TNFAIP8: variants seen among roughly 807,000 people sequenced by gnomAD.
TNFAIP8 encodes tumor necrosis factor alpha-induced protein 8.
In TNFAIP8, 7 loss-of-function variants were observed where a neutral mutation model predicts 13.3. The ratio of observed to expected loss-of-function variants is 0.52; its 90% confidence interval spans 0.30 to 0.99. The LOEUF (loss-of-function observed/expected upper bound fraction) is 0.99, where lower values mean the gene tolerates loss of function less well. TNFAIP8 is among the 50% of genes least tolerant of loss of function. TNFAIP8 has a pLI of 0.07. For synonymous variants in TNFAIP8, 94 were observed against 87.6 expected (o/e 1.07, Z -0.41); for missense variants, 258 against 236.9 (o/e 1.09, Z -0.58).
At chr5:119,289,608 G>T (rs4428445) in intron 1 of TNFAIP8, among the ~76,000 whole-genome samples, 2 of 152,222 alleles carry the variant, frequency 1.3e-5, no homozygotes, top group Non-Finnish European at 2.9e-5. Flanking sequence ...AAGCTGCTTA[G>T]ACATGGCTGA....
intron 1 of TNFAIP8, among the ~76,000 whole-genome samples, chr5:119,348,911 T>C (rs1482407796): frequency 7.6e-6 from 1 of 132,068 alleles, no homozygotes; most frequent in Non-Finnish European, 1.6e-5. Context: ...AAAAAAAGAA[T>C]AGACAACATC....
intron 1 of TNFAIP8, among the ~76,000 whole-genome samples, chr5:119,282,482 G>A (rs1054825719): frequency 1.3e-5 from 2 of 152,216 alleles, no homozygotes; most frequent in African/African-American, 2.4e-5. Flanking sequence ...GCACCCATTG[G>A]TTCTGGGTTG....
chr5:119,338,108 G>A (rs1750613589), intron 1 of TNFAIP8, among the ~76,000 whole-genome samples: 1 of 150,866 alleles, frequency 6.6e-6, no homozygotes, highest in Admixed American at 6.6e-5. Flanking sequence ...GAGATCCCAG[G>A]GCAGACCTGA....
At chr5:119,357,311 G>A (rs899055853) in intron 1 of TNFAIP8, among the ~76,000 whole-genome samples, 1 of 152,194 alleles carries the variant, frequency 6.6e-6, no homozygotes, top group Non-Finnish European at 1.5e-5. Context: ...AGTATGGGGG[G>A]AGTAATGCTT....
At chr5:119,271,791 C>G (rs1040212269) in intron 1 of TNFAIP8, among the ~76,000 whole-genome samples, 1 of 152,192 alleles carries the variant, frequency 6.6e-6, no homozygotes, top group African/African-American at 2.4e-5. Flanking sequence ...TAACTTTTAT[C>G]ACCTCACCCC....
chr5:119,327,855 A>G (rs951727863), intron 1 of TNFAIP8, among the ~76,000 whole-genome samples: 3 of 152,156 alleles, frequency 2.0e-5, no homozygotes, highest in African/African-American at 7.2e-5. Flanking sequence ...TTAAGTTACT[A>G]TTTCAAGGTC....
intron 1 of TNFAIP8, among the ~76,000 whole-genome samples, chr5:119,275,350 G>T (rs1271917621): frequency 6.6e-6 from 1 of 152,176 alleles, no homozygotes; most frequent in African/African-American, 2.4e-5. Flanking sequence ...CACCAACAAT[G>T]CTGACATCAT....
At chr5:119,274,212 G>GA (rs1162430581) in intron 1 of TNFAIP8, among the ~76,000 whole-genome samples, 3 of 152,090 alleles carry the variant, frequency 2.0e-5, no homozygotes, top group South Asian at 2.1e-4. Flanking sequence ...AGTCTTCTGA[G>GA]AAAAAAATGC....
At chr5:119,363,229 T>A (rs1751699779) in intron 1 of TNFAIP8, among the ~76,000 whole-genome samples, 1 of 152,180 alleles carries the variant, frequency 6.6e-6, no homozygotes, top group South Asian at 2.1e-4. Flanking sequence ...GAAGATTGCT[T>A]CGTCTTCCTT....
At chr5:119,389,950 C>A (rs1402555887) in intron 1 of TNFAIP8, among the ~76,000 whole-genome samples, 1 of 152,178 alleles carries the variant, frequency 6.6e-6, no homozygotes, top group Non-Finnish European at 1.5e-5. Flanking sequence ...CACTCTCTTG[C>A]AGGAAGTTGA....
intron 1 of TNFAIP8, among the ~76,000 whole-genome samples, chr5:119,281,306 A>ACACACACACACACTCTCTCTCTCTCT: frequency 5.3e-5 from 6 of 114,134 alleles, no homozygotes; most frequent in African/African-American, 1.8e-4. Flanking sequence ...ACACACACAC[A>ACACACACACACACTCTCTCTCTCTCT]CTCTCTCTCT....
chr5:119,352,326 C>T (rs548117813), upstream of TNFAIP8, among the ~76,000 whole-genome samples: 25 of 152,046 alleles, frequency 1.6e-4, no homozygotes, highest in African/African-American at 6.0e-4. Context: ...CGGAAGCCTT[C>T]GAAGGCTTTC....
chr5:119,350,998 CTGTGTGTG>C (rs70982476), intron 1 of TNFAIP8, among the ~76,000 whole-genome samples: 13,488 of 137,822 alleles, frequency 0.098, 867 homozygotes, highest in African/African-American at 0.19. Flanking sequence ...GGGTCTCACT[CTGTGTGTG>C]TGTGTGTGTG....
At chr5:119,292,247 T>A (rs1421120918) in intron 1 of TNFAIP8, among the ~76,000 whole-genome samples, 1 of 151,712 alleles carries the variant, frequency 6.6e-6, no homozygotes, top group Non-Finnish European at 1.5e-5. Flanking sequence ...CCATCTAGAA[T>A]AGAGCTGAAG....
rs565786476 is a variant in TNFAIP8, at chr5:119,286,490, C to T, written c.1+17583C>T. ...CAAAAAAATTATCTGGGCATAGTGG[C>T]GGGCGCCTGTAATTCCAGCTACTCT... On this transcript the variant is annotated intron_variant, in intron 1 of 1. Coordinates refer to the TNFAIP8 transcript ENST00000274456. Among the ~76,000 whole-genome samples the T allele has an allele frequency of 9.2e-5, 14 of 152,034 alleles. No individual in the cohort carries two copies. In the South Asian group the frequency reaches 1.5e-3, roughly 16 times the overall value.
At chr5:119,270,259 A>C (rs767358420) in intron 1 of TNFAIP8, among the ~76,000 whole-genome samples, 1 of 152,272 alleles carries the variant, frequency 6.6e-6, no homozygotes, top group Non-Finnish European at 1.5e-5. Context: ...ATTACACAGA[A>C]GTGTTTCCAC....
At chr5:119,390,164 G>C (rs1752839490) in intron 1 of TNFAIP8, among the ~76,000 whole-genome samples, 1 of 151,830 alleles carries the variant, frequency 6.6e-6, no homozygotes, top group Non-Finnish European at 1.5e-5. Context: ...TAAATCCCAG[G>C]TAAGATATTT....
intron 1 of TNFAIP8, among the ~76,000 whole-genome samples, chr5:119,280,906 G>A (rs1748606387): frequency 8.0e-6 from 1 of 125,408 alleles, no homozygotes; most frequent in Non-Finnish European, 1.7e-5. Context: ...CACTGATTAG[G>A]GTTTTTTTTT....
At chr5:119,280,018 T>G (rs1317457741) in intron 1 of TNFAIP8, among the ~76,000 whole-genome samples, 1 of 152,026 alleles carries the variant, frequency 6.6e-6, no homozygotes, top group Non-Finnish European at 1.5e-5. Context: ...TGTGCTGATA[T>G]GCCTAGATTT....
Sources: gnomAD v4.1 joint callset for allele counts (sites outside exome capture counted in the v4.1 genomes callset) on GRCh38, gnomAD v4.1.1 for gene constraint, MANE v1.5 for transcripts, NCBI Gene and HGNC (gene_info 2026-07-23, HGNC 2026-07-21) for gene names.